Variants in ADARB2 observed in about 807,000 individuals in gnomAD.
ADARB2 encodes adenosine deaminase RNA specific B2 (inactive), also known as inactive double-stranded RNA-specific editase B2.
In ADARB2, 25 loss-of-function variants were observed where a neutral mutation model predicts 62.2. The observed-to-expected ratio is 0.40, with a 90% CI of 0.29 to 0.56. The LOEUF (loss-of-function observed/expected upper bound fraction) is 0.56. Among genes scored for constraint, ADARB2 ranks in the 20% least tolerant of loss-of-function variants. The pLI, the probability that ADARB2 is intolerant of heterozygous loss-of-function variation, is 0.43. For synonymous variants in ADARB2, 572 were observed against 500.8 expected (o/e 1.14, Z -1.90); for missense variants, 1,071 against 1,077.4 (o/e 0.99, Z 0.08).
intron 1 of ADARB2, among the ~76,000 whole-genome samples, chr10:1,591,695 AC>A (rs1369209866): frequency 4.1e-5 from 6 of 148,048 alleles, no homozygotes; most frequent in African/African-American, 1.3e-4. Flanking sequence ...ACTCACCAGG[AC>A]CCCCCCACCT....
chr10:1,336,935 A>G (rs1343511768), intron 3 of ADARB2, among the ~76,000 whole-genome samples: 1 of 152,098 alleles, frequency 6.6e-6, no homozygotes, highest in Non-Finnish European at 1.5e-5. Context: ...CCATCTAAAC[A>G]GAGTACACAG....
intron 1 of ADARB2, among the ~76,000 whole-genome samples, chr10:1,467,405 C>G (rs1460252618): frequency 8.5e-5 from 13 of 152,192 alleles, no homozygotes; most frequent in Admixed American, 8.5e-4. Context: ...AAACCCTTCT[C>G]CCTCCCCATC....
chr10:1,297,920 C>A (rs1831537499), intron 3 of ADARB2, among the ~76,000 whole-genome samples: 1 of 152,174 alleles, frequency 6.6e-6, no homozygotes, highest in Admixed American at 6.5e-5. Context: ...TCAGAAGGAA[C>A]CAGCCCTGCC....
At position 1,556,448 on chromosome 10, in the gene ADARB2, G is replaced by A. The variant is rs1258055058; in HGVS notation, c.101-177288C>T. Among the ~76,000 whole-genome samples, 4 of 151,908 alleles carry A rather than the reference G, an allele frequency of 2.6e-5. No homozygotes were observed. The East Asian group carries it at 7.7e-4, about 29-fold the overall frequency. On this transcript the variant is annotated intron_variant, in intron 1 of 9. Transcript: ENST00000381312. ...AGTCCTGCCAGCAAAAATGCTCTACGTCTTCCTCCTTGTCTCTAAATATTC... is the reference window on the plus strand; with the variant it reads ...AGTCCTGCCAGCAAAAATGCTCTACATCTTCCTCCTTGTCTCTAAATATTC...
chr10:1,658,147 T>A (rs898973206), intron 1 of ADARB2, among the ~76,000 whole-genome samples: 3 of 150,668 alleles, frequency 2.0e-5, no homozygotes, highest in Admixed American at 1.3e-4. Flanking sequence ...TCTCTCTCTG[T>A]ATCTTATTCT....
At position 1,400,141 on chromosome 10, in the gene ADARB2, G is replaced by A. The variant is rs187787318; in HGVS notation, c.101-20981C>T. 4.3e-3 allele frequency among the ~76,000 whole-genome samples: 659 copies of A among 152,354 alleles called. 5 individuals are homozygous for A. The highest frequency in any genetic ancestry group is 0.01 in the Middle Eastern group (3 of 294). On this transcript the variant is annotated intron_variant, in intron 1 of 9. Transcript: ENST00000381312. ...CACCGCTGAGCGTGGGCAGAGAGGG[G>A]ACAGGCTCCAGGGCTCTGCCTGCCA...
chr10:1,199,063 G>GT, intron 8 of ADARB2, among the ~76,000 whole-genome samples: 1 of 152,312 alleles, frequency 6.6e-6, no homozygotes, highest in East Asian at 1.9e-4. Flanking sequence ...TCCTTTCTGG[G>GT]GCAGAGGTTT....
chr10:1,383,029 G>C (rs1307414378), intron 1 of ADARB2, among the ~76,000 whole-genome samples: 5 of 152,196 alleles, frequency 3.3e-5, no homozygotes, highest in African/African-American at 1.2e-4. Context: ...TCTGATGGCC[G>C]TTTTTAATGT....
In ADARB2 at chr10:1,186,612, G is replaced by A. The variant is rs1309554925; in HGVS notation, c.1865-1573C>T. 3 of 515,600 alleles carry A rather than the reference G, an allele frequency of 5.8e-6. No homozygotes were observed. In the East Asian group the frequency reaches 1.6e-4, roughly 28 times the overall value. 31.9% of individuals were successfully genotyped at this position (515,600 alleles called of 1,614,324 possible). On this transcript the variant is annotated intron_variant, in intron 8 of 9. Transcript: ENST00000381312. Reference sequence around the variant, plus strand: ...TCCTGCCTTCCTGGCCTGCTGTCCTGTGGTGCTTGGAGGCGAGCGGGGCCC... The same window carrying A: ...TCCTGCCTTCCTGGCCTGCTGTCCTATGGTGCTTGGAGGCGAGCGGGGCCC...
rs762862223 is a variant in ADARB2 at position 1,704,853 on chromosome 10, C to T, written c.100+32198G>A. Among the ~76,000 whole-genome samples the T allele has an allele frequency of 3.3e-5, 5 of 152,124 alleles. No homozygotes were observed. Among genetic ancestry groups the T allele is most frequent in the African/African-American group, 7.2e-5 (3 of 41,402 alleles). On this transcript the variant is annotated intron_variant, in intron 1 of 9. Coordinates refer to ENST00000381312, the MANE Select transcript of ADARB2 (RefSeq NM_018702.4). This position sits in a 1 kb window ranked among gnomAD's most constrained non-coding sequence, Gnocchi z 5.6. ...TGAGCTTGCATATGCCAGCCTGAGC[C>T]TCCACTCTCTCACTGAGGAGCCCAG... is the stretch of plus-strand genomic sequence containing the variant.
intron 1 of ADARB2, among the ~76,000 whole-genome samples, chr10:1,585,801 A>C (rs556445061): frequency 2.6e-5 from 4 of 152,286 alleles, no homozygotes; most frequent in Admixed American, 6.5e-5. Context: ...TTGGGAGGCC[A>C]AGGTGGGCAG....
chr10:1,445,844 G>A (rs1830962374), intron 1 of ADARB2, among the ~76,000 whole-genome samples: 2 of 152,184 alleles, frequency 1.3e-5, no homozygotes, highest in African/African-American at 2.4e-5. Context: ...TGAGACATAC[G>A]GTTGATGATT....
intron 1 of ADARB2, among the ~76,000 whole-genome samples, chr10:1,621,221 G>T (rs750506904): frequency 6.6e-6 from 1 of 152,124 alleles, no homozygotes; most frequent in African/African-American, 2.4e-5. Context: ...TAGAAAATCT[G>T]ATAGAATCAA....
At chr10:1,711,074 G>T (rs1834944275) in intron 1 of ADARB2, among the ~76,000 whole-genome samples, 1 of 152,110 alleles carries the variant, frequency 6.6e-6, no homozygotes, top group Non-Finnish European at 1.5e-5. Flanking sequence ...CCCCGAGCTT[G>T]CCAGGCCCCA....
At chr10:1,249,650 G>T (rs1831018784) in intron 4 of ADARB2, among the ~76,000 whole-genome samples, 1 of 150,980 alleles carries the variant, frequency 6.6e-6, no homozygotes, top group African/African-American at 2.5e-5. Context: ...ATACACACGA[G>T]TATCATGCTC....
intron 1 of ADARB2, among the ~76,000 whole-genome samples, chr10:1,432,025 T>A (rs1461206254): frequency 6.6e-6 from 1 of 152,194 alleles, no homozygotes; most frequent in African/African-American, 2.4e-5. Flanking sequence ...CACTTCTGCT[T>A]TAGTTCCTGT....
chr10:1,685,999 G>A (rs556880839), intron 1 of ADARB2, among the ~76,000 whole-genome samples: 15 of 152,346 alleles, frequency 9.8e-5, no homozygotes, highest in African/African-American at 2.4e-4. Flanking sequence ...CAGCCTTCCC[G>A]GACTGGCTTC....
intron 7 of ADARB2, among the ~76,000 whole-genome samples, chr10:1,210,025 CAGA>C (rs59434385): frequency 0.038 from 5,847 of 152,230 alleles, 401 homozygotes; most frequent in African/African-American, 0.13. Context: ...ATTCCGTACC[CAGA>C]AGAAGGTCTG....
intron 1 of ADARB2, among the ~76,000 whole-genome samples, chr10:1,731,674 G>C (rs907275889): frequency 1.3e-5 from 2 of 152,180 alleles, no homozygotes; most frequent in African/African-American, 4.8e-5. Context: ...TGTACAGATA[G>C]AGGTTAATTT....
Sources: allele counts gnomAD v4.1 joint callset (sites outside exome capture counted in the v4.1 genomes callset), GRCh38; gene constraint gnomAD v4.1.1; non-coding constraint Gnocchi (gnomAD v3.1); transcripts MANE v1.5; gene names NCBI Gene and HGNC (gene_info 2026-07-23, HGNC 2026-07-21).